EDRF1: variants seen among roughly 807,000 people sequenced by gnomAD.
The protein encoded by EDRF1 is erythroid differentiation-related factor 1.
In EDRF1, 69 loss-of-function variants were observed where a neutral mutation model predicts 148.7. That is an observed-to-expected ratio of 0.46 (90% CI 0.38 to 0.57). The LOEUF is 0.57. EDRF1 is among the 20% of genes least tolerant of loss of function. The pLI, the probability that EDRF1 is intolerant of heterozygous loss-of-function variation, is 0.00. For synonymous variants in EDRF1, 515 were observed against 532.8 expected, an observed-to-expected ratio of 0.97 and a Z score of 0.46; for missense variants, 1,118 against 1,478.7, an observed-to-expected ratio of 0.76 and a Z score of 4.00.
At chr10:125,754,638 A>G (rs879148872) in intron 24 of EDRF1, among the ~76,000 whole-genome samples, 1 of 152,234 alleles carries the variant, frequency 6.6e-6, no homozygotes, top group Non-Finnish European at 1.5e-5. Flanking sequence ...TTGCGCTTAC[A>G]TTCTTTTGTC....
intron 19 of EDRF1, among the ~76,000 whole-genome samples, 182 bp downstream of exon 19, chr10:125,746,112 A>G (rs1849341895): frequency 6.6e-6 from 1 of 152,238 alleles, no homozygotes; most frequent in Non-Finnish European, 1.5e-5. Context: ...TGAGTATTGA[A>G]GATGACATGT....
intron 17 of EDRF1, among the ~76,000 whole-genome samples, chr10:125,741,975 C>T (rs908505277): frequency 2.6e-5 from 4 of 152,054 alleles, no homozygotes; most frequent in Admixed American, 6.5e-5. Context: ...ATTACAGGCA[C>T]GAGCCACTGC....
chr10:125,761,198 T>C (rs1850176605), intron 24 of EDRF1: 1 of 387,140 alleles, frequency 2.6e-6, no homozygotes. Flanking sequence ...ATTTTACTTG[T>C]TTAAAAAAAA....
chr10:125,741,420 C>T (rs1338125992), intron 17 of EDRF1: 2 of 550,214 alleles, frequency 3.6e-6, no homozygotes, highest in African/African-American at 1.9e-5. Context: ...CGGGTTCAAG[C>T]AATTCTCCTG....
At chr10:125,740,396 A>G in intron 15 of EDRF1, 67 bp from the exon 16 acceptor site, 1 of 1,523,668 alleles carries the variant, frequency 6.6e-7, no homozygotes, top group African/African-American at 1.4e-5. Flanking sequence ...AACAGAAAAT[A>G]TTTTTTGTGC....
At chr10:125,742,047 G>C (rs1400490242) in intron 17 of EDRF1, among the ~76,000 whole-genome samples, 3 of 152,186 alleles carry the variant, frequency 2.0e-5, no homozygotes, top group African/African-American at 7.2e-5. Flanking sequence ...GGTAACACTT[G>C]TAGTCAGCTA....
chr10:125,733,531 A>G lies in EDRF1; in HGVS notation c.1256A>G (p.His419Arg). Residue 419 changes from histidine (H) to arginine (R), a missense_variant, in exon 10 of 25, where the codon CAT (histidine) becomes CGT (arginine). By Grantham distance (29) the His-to-Arg change is conservative (BLOSUM62 0). Coordinates refer to ENST00000356792, the MANE Select transcript of EDRF1 (RefSeq NM_001202438.2). ...FLKSNCTKEG[H>R]TYWLFKASGS... is the part of the protein sequence containing the mutation. ...AAATCTAATTGTACCAAAGAAGGAC[A>G]TACCTATTGGCTCTTTAAAGGTAAG... 2 of 1,600,218 alleles carry G rather than the reference A, an allele frequency of 1.2e-6. No homozygotes were observed. The highest frequency in any genetic ancestry group is 1.7e-6 in the Non-Finnish European group (2 of 1,167,506).
At chr10:125,737,528 T>C (rs1281041951) in intron 13 of EDRF1, among the ~76,000 whole-genome samples, 2 of 152,216 alleles carry the variant, frequency 1.3e-5, no homozygotes, top group African/African-American at 2.4e-5. Flanking sequence ...CTACACATAA[T>C]ATCCTTCATA....
At chr10:125,737,203 G>C (rs76328714) in intron 13 of EDRF1, among the ~76,000 whole-genome samples, 1 of 152,106 alleles carries the variant, frequency 6.6e-6, no homozygotes, top group Admixed American at 6.6e-5. Flanking sequence ...GGGGCAATTA[G>C]GTAATAATTA....
chr10:125,733,875 A>G, intron 11 of EDRF1, 132 bp downstream of exon 11: 1 of 922,510 alleles, frequency 1.1e-6, no homozygotes, highest in Non-Finnish European at 1.7e-6. Flanking sequence ...ATACACGTAC[A>G]CATTGTACCA....
In EDRF1 at chr10:125,748,590, T is replaced by TCCC. The variant is rs34148291; in HGVS notation, c.3123+584_3123+586dup. 151 of 160,322 alleles carry TCCC rather than the reference T, an allele frequency of 9.4e-4. 1 individual carries two copies. Among genetic ancestry groups the TCCC allele is most frequent in the African/African-American group, 3.5e-3 (143 of 41,158 alleles). The allele number at this position is 160,322 out of a possible 1,614,324, so 9.9% of individuals were successfully genotyped here. ...GTTTTTTTGTTTGTTTTGTTGATTT[T>TCCC]CCCCCCCCGTAAGGTAAGACTACTT... On this transcript the variant is annotated intron_variant, in intron 21 of 24. Coordinates refer to ENST00000356792, the MANE Select transcript of EDRF1 (RefSeq NM_001202438.2).
rs752629617 is a variant in EDRF1 at position 125,738,277 on chromosome 10, C to G, written c.1831-18C>G. 2.5e-6 allele frequency: 4 copies of G among 1,613,850 alleles called. No individual in the cohort carries two copies. The highest frequency in any genetic ancestry group is 3.4e-6 in the Non-Finnish European group (4 of 1,179,912). On this transcript the variant is annotated intron_variant, in intron 14 of 24. Coordinates refer to ENST00000356792, the MANE Select transcript of EDRF1 (RefSeq NM_001202438.2). Reference sequence around the variant, plus strand: ...CCTGAAGTTAGATAGATAGTGAATGCTTTTCCTTTTTTTGCAGGGTTTAAA... The same window carrying G: ...CCTGAAGTTAGATAGATAGTGAATGGTTTTCCTTTTTTTGCAGGGTTTAAA...
At chr10:125,723,035 C>T in intron 2 of EDRF1, 33 bp from the exon 3 acceptor site, 1 of 1,561,260 alleles carries the variant, frequency 6.4e-7, no homozygotes, top group Non-Finnish European at 8.8e-7. Flanking sequence ...TGAGCATGAC[C>T]TCATAACCTG....
chr10:125,730,410 G>C lies in EDRF1; in HGVS notation c.1128+11G>C, dbSNP rs1236394518. On this transcript the variant is annotated intron_variant, in intron 9 of 24. Transcript: ENST00000356792. ...AATGGAATTGTACAGGTAAGATACA[G>C]TGTGATTTTTCTGATCTCTCAAATG... The C allele has an allele frequency of 3.7e-6, 6 of 1,603,596 alleles. No individual in the cohort carries two copies. Among genetic ancestry groups the C allele is most frequent in the Non-Finnish European group, 5.1e-6 (6 of 1,170,490 alleles).
intron 13 of EDRF1, among the ~76,000 whole-genome samples, chr10:125,736,649 G>GA (rs1848752154): frequency 6.6e-6 from 1 of 152,024 alleles, no homozygotes; most frequent in South Asian, 2.1e-4. Flanking sequence ...TTAAAACATT[G>GA]ACCATCTTTC....
At chr10:125,724,016 C>A in intron 4 of EDRF1, 80 bp downstream of exon 4, 4 of 1,539,296 alleles carry the variant, frequency 2.6e-6, no homozygotes, top group South Asian at 1.1e-5. Context: ...CAGAGAATGG[C>A]CAAAGTGGAA....
intron 9 of EDRF1, among the ~76,000 whole-genome samples, chr10:125,730,826 A>G (rs1159800357): frequency 6.6e-6 from 1 of 152,208 alleles, no homozygotes; most frequent in East Asian, 1.9e-4. Flanking sequence ...TATTCTGTTT[A>G]GAAGACACGT....
In EDRF1 at chr10:125,723,132, GAAGT is replaced by G. The variant is rs1433037864; in HGVS notation, c.384+3_384+6del. ...TGATGTGGATGTTGTCTCTGACTCT[GAAGT>G]AAGTGTTATTTGTCGCTTAATGTAA... On this transcript the variant is annotated splice_donor_variant and coding_sequence_variant, in exon 3 of 25. Coordinates refer to ENST00000356792, the MANE Select transcript of EDRF1 (RefSeq NM_001202438.2). LOFTEE classifies it high-confidence loss of function. The G allele has an allele frequency of 5.0e-6, 8 of 1,613,352 alleles. No individual in the cohort carries two copies. The Admixed American group carries it at 8.3e-5, about 17-fold the overall frequency.
chr10:125,759,444 C>T (rs1850081860), intron 24 of EDRF1, among the ~76,000 whole-genome samples: 1 of 152,188 alleles, frequency 6.6e-6, no homozygotes, highest in South Asian at 2.1e-4. Flanking sequence ...TCCGGTTCTG[C>T]ACCATGAATA....
Sources: gnomAD v4.1 joint callset for allele counts (sites outside exome capture counted in the v4.1 genomes callset) on GRCh38, gnomAD v4.1.1 for gene constraint, MANE v1.5 for transcripts, NCBI Gene and HGNC (gene_info 2026-07-23, HGNC 2026-07-21) for gene names.